Variants in TMOD1 observed in about 807,000 individuals in gnomAD.
The protein encoded by TMOD1 is tropomodulin 1.
Under a neutral mutation model 40.6 loss-of-function variants are expected in TMOD1, and 17 were observed. That is an observed-to-expected ratio of 0.42 (90% confidence interval 0.29 to 0.63). The LOEUF (loss-of-function observed/expected upper bound fraction) is 0.63. TMOD1 is among the 20% of genes least tolerant of loss of function. The pLI is 0.22. For synonymous variants in TMOD1, 181 were observed against 175.0 expected (o/e 1.03, Z -0.27); for missense variants, 391 against 447.6 (o/e 0.87, Z 1.14).
chr9:97,549,937 C>A (rs963271272), intron 3 of TMOD1, among the ~76,000 whole-genome samples: 1 of 152,092 alleles, frequency 6.6e-6, no homozygotes, highest in Non-Finnish European at 1.5e-5. Flanking sequence ...TAAAATTAAC[C>A]ATTTAAAAAT....
At chr9:97,546,128 C>A in intron 2 of TMOD1, 57 bp from the exon 3 acceptor site, 1 of 1,540,460 alleles carries the variant, frequency 6.5e-7, no homozygotes, top group East Asian at 2.3e-5. Context: ...GCTGACCACT[C>A]TCTCTTTCTC....
chr9:97,501,556 G>A (rs1243119352), upstream of TMOD1: 1 of 150,520 alleles, frequency 6.6e-6, no homozygotes, highest in African/African-American at 2.4e-5. Context: ...GAGGGGGGGG[G>A]AAGGAGGGAG....
intron 1 of TMOD1, among the ~76,000 whole-genome samples, chr9:97,519,646 G>T (rs1350267245): frequency 6.6e-6 from 1 of 152,160 alleles, no homozygotes; most frequent in African/African-American, 2.4e-5. Context: ...GAAGATAAGG[G>T]ATTTGCCCAG....
chr9:97,580,731 C>A (rs564495436), intron 8 of TMOD1, among the ~76,000 whole-genome samples: 1 of 152,264 alleles, frequency 6.6e-6, no homozygotes, highest in South Asian at 2.1e-4. Context: ...AGGATAGTAA[C>A]ATTTATAAGG....
chr9:97,554,105 G>A (rs1212841064), intron 4 of TMOD1, among the ~76,000 whole-genome samples: 3 of 148,302 alleles, frequency 2.0e-5, no homozygotes, highest in Non-Finnish European at 4.5e-5. Context: ...CACCTACTGT[G>A]CTCTCTGATC....
chr9:97,506,709 C>T (rs1156277629), intron 1 of TMOD1, among the ~76,000 whole-genome samples: 1 of 152,186 alleles, frequency 6.6e-6, no homozygotes, highest in African/African-American at 2.4e-5. Flanking sequence ...ACAGTGAACC[C>T]TAGTAGGAAT....
intron 2 of TMOD1, among the ~76,000 whole-genome samples, chr9:97,530,408 T>C (rs899834143): frequency 2.0e-5 from 3 of 151,806 alleles, no homozygotes; most frequent in African/African-American, 7.3e-5. Flanking sequence ...TGTGACACAA[T>C]ATAACCATAG....
At chr9:97,573,425 CTT>C (rs1265165633) in intron 8 of TMOD1, among the ~76,000 whole-genome samples, 2 of 152,210 alleles carry the variant, frequency 1.3e-5, no homozygotes, top group Non-Finnish European at 2.9e-5. Context: ...ATTGTGCTGT[CTT>C]GTTTTCCCAG....
rs774590310 is a variant in TMOD1, at chr9:97,565,944, C to T, written c.715C>T (p.Pro239Ser). 3 of 1,613,750 alleles carry T rather than the reference C, an allele frequency of 1.9e-6. No homozygotes were observed. Among genetic ancestry groups the T allele is most frequent in the Non-Finnish European group, 2.5e-6 (3 of 1,179,786 alleles). The change falls in exon 7 of 10, where the codon CCC becomes TCC. Residue 239 changes from proline (P) to serine (S), a missense_variant. Pro to Ser is a moderately conservative substitution (Grantham distance 74). Transcript: ENST00000259365. ...CATCGTGGGGACACGGAGTAATGACCCCGTGGCGTATGTATGTACCTTTCT... is the reference window on the plus strand; with the variant it reads ...CATCGTGGGGACACGGAGTAATGACTCCGTGGCGTATGTATGTACCTTTCT... ...FSIVGTRSND[P>S]VAYALAEMLK...
chr9:97,559,794 A>AAATATATATATATAT (rs1390791825), intron 4 of TMOD1, among the ~76,000 whole-genome samples: 1 of 23,176 alleles, frequency 4.3e-5, no homozygotes, highest in Non-Finnish European at 7.7e-5. Context: ...AAAAAAAAAA[A>AAATATATATATATAT]ATATATATAT....
At chr9:97,553,560 CA>C (rs983767942) in intron 4 of TMOD1, among the ~76,000 whole-genome samples, 160 bp downstream of exon 4, 5 of 152,088 alleles carry the variant, frequency 3.3e-5, no homozygotes, top group African/African-American at 1.2e-4. Flanking sequence ...TCTCAAAAAC[CA>C]AAACAAGGAA....
At chr9:97,544,428 C>T (rs904617146) in intron 2 of TMOD1, among the ~76,000 whole-genome samples, 9 of 151,310 alleles carry the variant, frequency 5.9e-5, no homozygotes, top group Admixed American at 3.3e-4. Context: ...CCCAGCTACT[C>T]GGGAGGCTGA....
intron 4 of TMOD1, among the ~76,000 whole-genome samples, chr9:97,554,920 G>A (rs1245841435): frequency 6.6e-6 from 1 of 152,228 alleles, no homozygotes; most frequent in Non-Finnish European, 1.5e-5. Context: ...GTGGTGACAG[G>A]TGAAGCCAGG....
chr9:97,566,008 G>C lies in TMOD1; in HGVS notation c.726+53G>C, dbSNP rs1213148167. On this transcript the variant is annotated intron_variant, in intron 7 of 9. Coordinates refer to ENST00000259365, the MANE Select transcript of TMOD1 (RefSeq NM_003275.4). The stretch of plus-strand genomic sequence containing the variant: ...GTGGCTGGGGGCCTTGAAACAGAAG[G>C]GTTGAAATATGTGGCCTCAGGACTG... 2.9e-5 allele frequency: 43 copies of C among 1,508,304 alleles called. 1 individual carries two copies. The highest frequency in any genetic ancestry group is 1.7e-4 in the Middle Eastern group (1 of 5,864). The allele number at this position is 1,508,304 out of a possible 1,614,324, so 93.4% of individuals were successfully genotyped here. A position where few individuals can be genotyped will look rare whatever the true frequency, so the allele number is the denominator to read the frequency against.
chr9:97,553,464 C>A, intron 4 of TMOD1, 64 bp downstream of exon 4: 1 of 1,600,196 alleles, frequency 6.2e-7, no homozygotes, highest in South Asian at 1.1e-5. Flanking sequence ...CTGCAGGGAG[C>A]CTTGTAGGGC....
intron 9 of TMOD1, among the ~76,000 whole-genome samples, chr9:97,596,526 C>A (rs1826115596): frequency 6.6e-6 from 1 of 152,224 alleles, no homozygotes; most frequent in Non-Finnish European, 1.5e-5. Flanking sequence ...CCACACTTTA[C>A]AAGAAGGAAA....
rs559548218 is a variant in TMOD1, at chr9:97,521,939, T to C, written c.-48-2202T>C. On this transcript the variant is annotated intron_variant, in intron 1 of 9. Coordinates refer to ENST00000259365, the MANE Select transcript of TMOD1 (RefSeq NM_003275.4). Reference sequence around the variant, plus strand: ...CCTTTAATTATTTTTCATTAACAACTATTCCCAGGTTTTGGATCGATTGGT... The same window carrying C: ...CCTTTAATTATTTTTCATTAACAACCATTCCCAGGTTTTGGATCGATTGGT... Among the ~76,000 whole-genome samples the C allele has an allele frequency of 2.0e-5, 3 of 152,350 alleles. 1 individual carries two copies. In the South Asian group the frequency reaches 6.2e-4, roughly 32 times the overall value.
chr9:97,589,076 C>T (rs1462835375), intron 8 of TMOD1, among the ~76,000 whole-genome samples: 1 of 143,500 alleles, frequency 7.0e-6, no homozygotes, highest in Non-Finnish European at 1.5e-5. Flanking sequence ...AAGATTGCAC[C>T]ACTGCACTCC....
At chr9:97,552,368 C>A (rs539526033) in intron 3 of TMOD1, among the ~76,000 whole-genome samples, 2 of 152,288 alleles carry the variant, frequency 1.3e-5, no homozygotes, top group East Asian at 3.9e-4. Flanking sequence ...ACCCCACCCA[C>A]AACCCATCCT....
Sources: allele counts gnomAD v4.1 joint callset (sites outside exome capture counted in the v4.1 genomes callset), GRCh38; gene constraint gnomAD v4.1.1; transcripts MANE v1.5; gene names NCBI Gene and HGNC (gene_info 2026-07-23, HGNC 2026-07-21).